Variants in RIPOR2 observed in about 807,000 individuals in gnomAD.
RIPOR2 encodes the protein rho family-interacting cell polarization regulator 2.
RIPOR2 carries 39 observed loss-of-function variants against 114.5 expected under a neutral mutation model. That is an observed-to-expected ratio of 0.34 (90% CI 0.26 to 0.44). The LOEUF (loss-of-function observed/expected upper bound fraction) is 0.44. Ranked by LOEUF, RIPOR2 falls within the 20% of genes least tolerant of loss-of-function variation. RIPOR2 has a pLI of 1.00. For missense variants in RIPOR2, 1,007 were observed against 1,255.1 expected (o/e 0.80, Z 2.99); for synonymous variants, 445 against 484.4 (o/e 0.92, Z 1.07).
chr6:24,959,715 T>C (rs1371839323), intron 1 of RIPOR2, among the ~76,000 whole-genome samples: 5 of 152,200 alleles, frequency 3.3e-5, no homozygotes, highest in Admixed American at 2.6e-4. Context: ...GCCATGAGCA[T>C]ACCCCAATTA....
chr6:24,953,227 G>C (rs1191861401), intron 1 of RIPOR2, among the ~76,000 whole-genome samples: 2 of 152,180 alleles, frequency 1.3e-5, no homozygotes, highest in Non-Finnish European at 2.9e-5. Flanking sequence ...CAGCTACTTG[G>C]GAGGCTGAGA....
intron 1 of RIPOR2, chr6:24,877,151 C>T: frequency 1.0e-6 from 1 of 985,426 alleles, no homozygotes; most frequent in Non-Finnish European, 1.2e-6. Flanking sequence ...TCTGGTAGTA[C>T]ATCCAGATGT....
intron 13 of RIPOR2, among the ~76,000 whole-genome samples, chr6:24,841,430 T>C (rs1168499407): frequency 6.6e-6 from 1 of 152,080 alleles, no homozygotes; most frequent in Non-Finnish European, 1.5e-5. Flanking sequence ...TGCCATCAAC[T>C]GAACTATCTG....
In RIPOR2 at chr6:24,957,805, G is replaced by T. The variant is rs151332186; in HGVS notation, c.77-81988C>A. On this transcript the variant is annotated intron_variant, in intron 1 of 13. Coordinates refer to the RIPOR2 transcript ENST00000510784. ...CAGGAAAATGGAGTGAACCTAGGAG[G>T]CAGAGCTTGCGGTGAGCTGAGATCG... 4.5e-3 allele frequency among the ~76,000 whole-genome samples: 678 copies of T among 152,334 alleles called. 6 individuals are homozygous for T. Among genetic ancestry groups the T allele is most frequent in the African/African-American group, 0.013 (537 of 41,576 alleles).
chr6:25,035,387 G>C (rs1777191948), intron 1 of RIPOR2, among the ~76,000 whole-genome samples: 1 of 152,142 alleles, frequency 6.6e-6, no homozygotes. Flanking sequence ...AATTTTCCTG[G>C]TATATCCTTC....
intron 1 of RIPOR2, among the ~76,000 whole-genome samples, chr6:25,009,622 A>T (rs1167681384): frequency 6.6e-6 from 1 of 152,170 alleles, no homozygotes; most frequent in Non-Finnish European, 1.5e-5. Flanking sequence ...TTGGCTTGTA[A>T]ATCAGCGGTT....
At chr6:24,928,308 T>G (rs1014374076) in intron 1 of RIPOR2, among the ~76,000 whole-genome samples, 1 of 152,220 alleles carries the variant, frequency 6.6e-6, no homozygotes, top group Non-Finnish European at 1.5e-5. Flanking sequence ...AAATCATATC[T>G]GCTTATTTGA....
At chr6:24,979,093 T>C (rs1407809631) in intron 1 of RIPOR2, among the ~76,000 whole-genome samples, 1 of 152,170 alleles carries the variant, frequency 6.6e-6, no homozygotes, top group East Asian at 1.9e-4. Flanking sequence ...AATTGGCCTC[T>C]CAACATTTTC....
intron 21 of RIPOR2, among the ~76,000 whole-genome samples, chr6:24,807,799 C>T (rs772534111): frequency 6.6e-6 from 1 of 152,140 alleles, no homozygotes. Flanking sequence ...ATAGTTGCAG[C>T]CCTGAGTCCT....
Position 24,836,135 on chromosome 6 carries a change from T to C in RIPOR2, c.2040-264A>G, listed in dbSNP as rs184060433. Reference sequence around the variant, plus strand: ...CTAATGAACCACTTATGAAGTAGTTTCACCCAGAAGTCTTTGAAACATGCC... The same window carrying C: ...CTAATGAACCACTTATGAAGTAGTTCCACCCAGAAGTCTTTGAAACATGCC... On this transcript the variant is annotated intron_variant, in intron 14 of 21. Coordinates refer to ENST00000643898, the MANE Select transcript of RIPOR2 (RefSeq NM_001286445.3). 7.4e-4 allele frequency: 327 copies of C among 439,816 alleles called. 1 individual carries two copies. Among genetic ancestry groups the C allele is most frequent in the Admixed American group, 2.6e-3 (76 of 28,980 alleles). The allele number at this position is 439,816 out of a possible 1,614,324, so 27.2% of individuals were successfully genotyped here. A position where few individuals can be genotyped will look rare whatever the true frequency, so the allele number is the denominator to read the frequency against.
chr6:25,002,237 C>T (rs753473752), intron 1 of RIPOR2, among the ~76,000 whole-genome samples: 19 of 152,166 alleles, frequency 1.2e-4, no homozygotes, highest in South Asian at 2.1e-4. Context: ...ATTACCTAAA[C>T]GTTAGGACAA....
intron 17 of RIPOR2, 21 bp from the exon 18 acceptor site, chr6:24,828,316 C>A: frequency 6.6e-7 from 1 of 1,522,094 alleles, no homozygotes; most frequent in Non-Finnish European, 8.8e-7. Context: ...GGGAAAGACA[C>A]AAAGCAGCTT....
At chr6:24,931,380 C>T (rs1273619007) in intron 1 of RIPOR2, among the ~76,000 whole-genome samples, 1 of 152,170 alleles carries the variant, frequency 6.6e-6, no homozygotes, top group Non-Finnish European at 1.5e-5. Flanking sequence ...TGCTAACTTA[C>T]TTGGCTTGGA....
At chr6:24,950,037 C>T (rs1384814838) in intron 1 of RIPOR2, among the ~76,000 whole-genome samples, 11 of 152,292 alleles carry the variant, frequency 7.2e-5, no homozygotes, top group Middle Eastern at 6.8e-3. Context: ...GTGTCAAAAA[C>T]GTTGCAAATG....
chr6:24,942,598 T>C (rs1401658193), intron 1 of RIPOR2, among the ~76,000 whole-genome samples: 2 of 152,202 alleles, frequency 1.3e-5, no homozygotes, highest in African/African-American at 2.4e-5. Context: ...TTTTAATGAT[T>C]GCCATTCTGA....
At chr6:24,880,804 C>T (rs2817717) in intron 1 of RIPOR2, among the ~76,000 whole-genome samples, 152,275 of 152,370 alleles carry the variant, frequency 1, 76,090 homozygotes, top group Middle Eastern at 1. Context: ...AAGTTCATTA[C>T]TTTTGTCTGC....
At chr6:24,837,761 T>C (rs1025867288) in intron 14 of RIPOR2, among the ~76,000 whole-genome samples, 2 of 152,158 alleles carry the variant, frequency 1.3e-5, no homozygotes, top group Non-Finnish European at 2.9e-5. Flanking sequence ...TTCTTTGCCA[T>C]GTCCCCAGAT....
At chr6:24,894,978 A>G (rs1405179416) in intron 1 of RIPOR2, among the ~76,000 whole-genome samples, 1 of 152,126 alleles carries the variant, frequency 6.6e-6, no homozygotes, top group African/African-American at 2.4e-5. Context: ...AACTTCTAGA[A>G]AGAGCCTAAT....
intron 1 of RIPOR2, among the ~76,000 whole-genome samples, chr6:24,940,988 G>A (rs561319789): frequency 4.6e-5 from 7 of 152,184 alleles, no homozygotes; most frequent in Admixed American, 3.9e-4. Context: ...TTGTTTTCAT[G>A]TTGCAAAGAG....
Sources: gnomAD v4.1 joint callset for allele counts (sites outside exome capture counted in the v4.1 genomes callset) on GRCh38, gnomAD v4.1.1 for gene constraint, MANE v1.5 for transcripts, NCBI Gene and HGNC (gene_info 2026-07-23, HGNC 2026-07-21) for gene names.